Variants in ZNF354C observed in about 807,000 individuals in gnomAD.
The protein encoded by ZNF354C is zinc finger protein 354C.
Under a neutral mutation model 12.4 loss-of-function variants are expected in ZNF354C, and 7 were observed. The observed-to-expected ratio is 0.56, with a 90% CI of 0.32 to 1.06. ZNF354C has a LOEUF of 1.06. ZNF354C is among the 50% of genes least tolerant of loss of function. ZNF354C has a pLI of 0.04. For missense variants in ZNF354C, 609 were observed against 658.0 expected (o/e 0.93, Z 0.81); for synonymous variants, 202 against 224.5 (o/e 0.90, Z 0.90).
intron 2 of ZNF354C, among the ~76,000 whole-genome samples, chr5:179,063,014 C>T (rs1761914983): frequency 6.6e-6 from 1 of 152,192 alleles, no homozygotes; most frequent in Non-Finnish European, 1.5e-5. Context: ...TTTCCTTCAA[C>T]ACCAGCTCCC....
chr5:179,069,822 C>T (rs1015680822), intron 2 of ZNF354C, among the ~76,000 whole-genome samples: 5 of 145,454 alleles, frequency 3.4e-5, no homozygotes, highest in African/African-American at 7.6e-5. Flanking sequence ...GCCGAGATTG[C>T]GCCCCTGCAC....
intron 1 of ZNF354C, 145 bp from the exon 2 acceptor site, chr5:179,061,870 A>T (rs1243627709): frequency 4.7e-6 from 3 of 640,496 alleles, no homozygotes; most frequent in Non-Finnish European, 2.8e-6. Flanking sequence ...TTGCCCTAGT[A>T]AACTAGTAAA....
chr5:179,083,218 A>G lies in ZNF354C; in HGVS notation c.*3121A>G, dbSNP rs554328777. ...GCTTCTGATTCATAAAAAAACCTAT[A>G]AGAGACATTTGGGGGGATATTTGGG... On this transcript the variant is annotated 3_prime_UTR_variant, in exon 5 of 5. Coordinates refer to ENST00000315475, the MANE Select transcript of ZNF354C (RefSeq NM_014594.3). 2.4e-5 allele frequency: 7 copies of G among 287,674 alleles called. No homozygotes were observed. Among genetic ancestry groups the G allele is most frequent in the African/African-American group, 1.1e-4 (5 of 45,316 alleles). The allele number at this position is 287,674 out of a possible 1,614,324, so 17.8% of individuals were successfully genotyped here.
rs1477007605 is a variant in ZNF354C, at chr5:179,081,378, G to T, written c.*1281G>T. On this transcript the variant is annotated 3_prime_UTR_variant, in exon 5 of 5. Transcript: ENST00000315475. ...TATTTTATGGAAAGTTATATATGAA[G>T]AGTTTATTATTAAGCATTCCTTTCA... The T allele has an allele frequency of 2.6e-5, 4 of 151,938 alleles. No individual in the cohort carries two copies. The highest frequency in any genetic ancestry group is 2.6e-4 in the Admixed American group (4 of 15,244). 9.4% of individuals were successfully genotyped at this position (151,938 alleles called of 1,614,324 possible).
At chr5:179,064,478 GCC>G in intron 2 of ZNF354C, among the ~76,000 whole-genome samples, 1 of 151,468 alleles carries the variant, frequency 6.6e-6, no homozygotes, top group Non-Finnish European at 1.5e-5. Flanking sequence ...GTGCAGTGGC[GCC>G]ATCTCGGTTC....
At position 179,080,327 on chromosome 5, in the gene ZNF354C, G is replaced by GA. The variant is rs531056382; in HGVS notation, c.*236dup. The GA allele has an allele frequency of 3.5e-5, 10 of 289,234 alleles. No individual in the cohort carries two copies. The highest frequency in any genetic ancestry group is 2.0e-4 in the African/African-American group (9 of 45,898). The allele number at this position is 289,234 out of a possible 1,614,324, so 17.9% of individuals were successfully genotyped here. On this transcript the variant is annotated 3_prime_UTR_variant, in exon 5 of 5. Coordinates refer to ENST00000315475, the MANE Select transcript of ZNF354C (RefSeq NM_014594.3). ...AAAACCTATGAGTATTTAATTCATA[G>GA]AAAAAATGTAAAAGGTCTTTTTAAA...
intron 3 of ZNF354C, 28 bp downstream of exon 3, chr5:179,076,599 T>C (rs374321132): frequency 3.7e-6 from 6 of 1,612,886 alleles, no homozygotes; most frequent in Non-Finnish European, 3.4e-6. Flanking sequence ...TGACGAAGAA[T>C]CTGTTATAGG....
At position 179,079,974 on chromosome 5, in the gene ZNF354C, C is replaced by T; in HGVS notation, c.1542C>T (p.His514=). Residue 514 remains histidine, a synonymous_variant, in exon 5 of 5, where the codon CAC becomes CAT. Transcript: ENST00000315475. This position sits in a 1 kb window ranked among gnomAD's most constrained non-coding sequence, Gnocchi z 4.2. ...GTTACAGATCAAACCTTTGTAGACA[C>T]AAAAAAGTTCACACGAAAGAGAAAC... ...AYSYRSNLCR[H]KKVHTKEKLY... 2.5e-6 allele frequency: 4 copies of T among 1,613,858 alleles called. No homozygotes were observed. The South Asian group carries it at 4.4e-5, about 18-fold the overall frequency.
intron 2 of ZNF354C, among the ~76,000 whole-genome samples, chr5:179,066,706 A>G (rs1761961942): frequency 6.6e-6 from 1 of 152,184 alleles, no homozygotes; most frequent in Admixed American, 6.5e-5. Flanking sequence ...CTAATGGGAA[A>G]ATCCACTGTC....
chr5:179,078,792 G>C lies in ZNF354C; in HGVS notation c.360G>C (p.Trp120Cys), dbSNP rs1466615993. The C allele has an allele frequency of 6.2e-7, 1 of 1,613,896 alleles. No homozygotes were observed. Among genetic ancestry groups the C allele is most frequent in the Non-Finnish European group, 8.5e-7 (1 of 1,179,984 alleles). Residue 120 changes from tryptophan to cysteine, a missense_variant, in exon 5 of 5, where the codon TGG becomes TGC. Coordinates refer to ENST00000315475, the MANE Select transcript of ZNF354C (RefSeq NM_014594.3). ...AAGAATCCATTAAGGATGGTCACTG[G>C]GACATTAACTTTGAAGAAGCTGTGG... ...VKKESIKDGHWDINFEEAVEF... is the reference protein window; with the variant it reads ...VKKESIKDGHCDINFEEAVEF...
chr5:179,070,841 C>CTTTTTTTTTTTT (rs766817856), intron 2 of ZNF354C, among the ~76,000 whole-genome samples: 2 of 75,438 alleles, frequency 2.7e-5, no homozygotes, highest in South Asian at 5.7e-4. Context: ...CTTGATCGCT[C>CTTTTTTTTTTTT]TTTTTTTTTT....
At chr5:179,072,705 T>C (rs1227934684) in intron 2 of ZNF354C, among the ~76,000 whole-genome samples, 2 of 152,168 alleles carry the variant, frequency 1.3e-5, no homozygotes, top group African/African-American at 4.8e-5. Context: ...TTCCACCAGC[T>C]ACATTAAAAA....
intron 4 of ZNF354C, 62 bp downstream of exon 4, chr5:179,077,228 G>C (rs1581120555): frequency 1.5e-6 from 2 of 1,339,314 alleles, no homozygotes; most frequent in East Asian, 4.6e-5. Flanking sequence ...GTCACAAAGA[G>C]GCAGTTCTTG....
chr5:179,062,447 G>T (rs1287806286), intron 2 of ZNF354C, among the ~76,000 whole-genome samples: 2 of 152,158 alleles, frequency 1.3e-5, no homozygotes, highest in Non-Finnish European at 2.9e-5. Flanking sequence ...ATGTGGAAGG[G>T]CCGGAAGACA....
chr5:179,079,742 A>G lies in ZNF354C; in HGVS notation c.1310A>G (p.Glu437Gly). The part of the protein sequence containing the change: ...FNEHRKIHTG[E>G]KLYTCEECGK... ...GAACATCGGAAAATTCATACTGGGGAAAAACTTTATACATGTGAGGAATGT... is the reference window on the plus strand; with the variant it reads ...GAACATCGGAAAATTCATACTGGGGGAAAACTTTATACATGTGAGGAATGT... The change falls in exon 5 of 5, where the codon GAA becomes GGA. Residue 437 changes from glutamate (E) to glycine (G), a missense_variant. Transcript: ENST00000315475. The surrounding 1 kb of genome is among the most constrained non-coding windows in gnomAD (Gnocchi z 4.2). 1 of 1,614,186 alleles carries G rather than the reference A, an allele frequency of 6.2e-7. No homozygotes were observed. The highest frequency in any genetic ancestry group is 8.5e-7 in the Non-Finnish European group (1 of 1,180,034).
At chr5:179,074,488 A>G (rs1472832479) in intron 2 of ZNF354C, among the ~76,000 whole-genome samples, 5 of 152,064 alleles carry the variant, frequency 3.3e-5, no homozygotes, top group South Asian at 2.1e-4. Context: ...TTCCTTACTG[A>G]TGGCTTGCAA....
intron 2 of ZNF354C, among the ~76,000 whole-genome samples, chr5:179,070,334 G>T (rs1762032044): frequency 6.6e-6 from 1 of 152,128 alleles, no homozygotes; most frequent in Non-Finnish European, 1.5e-5. Context: ...AAGGCTTGGG[G>T]GCCTCTGATA....
At chr5:179,062,139 G>C (rs754786660) in intron 2 of ZNF354C, 44 bp downstream of exon 2, 1 of 1,611,504 alleles carries the variant, frequency 6.2e-7, no homozygotes, top group African/African-American at 1.3e-5. Context: ...TTGGCTTCTG[G>C]ATTCAGAGAT....
At position 179,082,552 on chromosome 5, in the gene ZNF354C, A is replaced by G; in HGVS notation, c.*2455A>G. 1 of 770,174 alleles carries G rather than the reference A, an allele frequency of 1.3e-6. No homozygotes were observed. Among genetic ancestry groups the G allele is most frequent in the Admixed American group, 1.9e-5 (1 of 53,904 alleles). 47.7% of individuals were successfully genotyped at this position (770,174 alleles called of 1,614,324 possible). A position where few individuals can be genotyped will look rare whatever the true frequency, so the allele number is the denominator to read the frequency against. On this transcript the variant is annotated 3_prime_UTR_variant, in exon 5 of 5. Coordinates refer to ENST00000315475, the MANE Select transcript of ZNF354C (RefSeq NM_014594.3). The stretch of plus-strand genomic sequence containing the variant: ...AGGAAGCTGTTAAAACTGGTGTAAT[A>G]GCTCAAAAGAACTAAGTATTCCAGA...
Sources: gnomAD v4.1 joint callset for allele counts (sites outside exome capture counted in the v4.1 genomes callset) on GRCh38, gnomAD v4.1.1 for gene constraint, Gnocchi (gnomAD v3.1) non-coding constraint, MANE v1.5 for transcripts, NCBI Gene and HGNC (gene_info 2026-07-23, HGNC 2026-07-21) for gene names.